Variants in TNFSF13 observed in about 807,000 individuals in gnomAD.
TNFSF13 encodes the protein TNF superfamily member 13.
In TNFSF13, 18 loss-of-function variants were observed where a neutral mutation model predicts 30.7. The observed-to-expected ratio is 0.59, with a 90% CI of 0.41 to 0.87. The LOEUF (loss-of-function observed/expected upper bound fraction) is 0.87. Ranked by LOEUF, TNFSF13 falls within the 40% of genes least tolerant of loss-of-function variation. The pLI is 0.00. For missense variants in TNFSF13, 286 were observed against 308.8 expected (o/e 0.93, Z 0.55); for synonymous variants, 116 against 123.2 (o/e 0.94, Z 0.39).
In TNFSF13 at chr17:7,560,716, TTTCTC is replaced by T; in HGVS notation, c.644-7_644-3del. Reference sequence around the variant, plus strand: ...TTCACTGCGAATCTACTTTCTCTCTTTTCTCAGGTGTCTTCCATTTACACCAAGGG... The same window carrying T: ...TTCACTGCGAATCTACTTTCTCTCTTAGGTGTCTTCCATTTACACCAAGGG... On this transcript the variant is annotated splice_region_variant and splice_polypyrimidine_tract_variant and intron_variant, in intron 5 of 5. Coordinates refer to ENST00000338784, the MANE Select transcript of TNFSF13 (RefSeq NM_003808.4). 1 of 1,614,170 alleles carries T rather than the reference TTTCTC, an allele frequency of 6.2e-7. No homozygotes were observed. Among genetic ancestry groups the T allele is most frequent in the Non-Finnish European group, 8.5e-7 (1 of 1,180,020 alleles).
intron 5 of TNFSF13, 86 bp from the exon 6 acceptor site, chr17:7,560,638 G>A: frequency 6.2e-6 from 10 of 1,612,110 alleles, no homozygotes; most frequent in Non-Finnish European, 6.8e-6. Context: ...GGAGGCAGAG[G>A]AACGGTGGAG....
Position 7,560,708 on chromosome 17 carries a change from TTC to T in TNFSF13, c.644-10_644-9del, listed in dbSNP as rs778939371. 8 of 1,614,116 alleles carry T rather than the reference TTC, an allele frequency of 5.0e-6. No individual in the cohort carries two copies. In the East Asian group the frequency reaches 1.1e-4, roughly 22 times the overall value. On this transcript the variant is annotated splice_polypyrimidine_tract_variant and intron_variant, in intron 5 of 5. Transcript: ENST00000338784. The stretch of plus-strand genomic sequence containing the variant: ...GGCTGTGCTTCACTGCGAATCTACT[TTC>T]TCTCTTTTCTCAGGTGTCTTCCATT...
Position 7,559,050 on chromosome 17 carries a change from C to T in TNFSF13, c.11C>T (p.Ser4Leu), listed in dbSNP as rs1334403568. The T allele has an allele frequency of 6.5e-6, 10 of 1,543,664 alleles. No individual in the cohort carries two copies. Among genetic ancestry groups the T allele is most frequent in the Non-Finnish European group, 8.8e-6 (10 of 1,141,382 alleles). Residue 4 changes from serine to leucine, a missense_variant, in exon 1 of 6, where the codon TCA becomes TTA. Coordinates refer to ENST00000338784, the MANE Select transcript of TNFSF13 (RefSeq NM_003808.4). This position sits in a 1 kb window ranked among gnomAD's most constrained non-coding sequence, Gnocchi z 5.4. MPA[S>L]SPFLLAPKGP... is the part of the protein sequence containing the mutation. The stretch of plus-strand genomic sequence containing the variant: ...CAGGGTCCCCAGCTCATGCCAGCCT[C>T]ATCTCCTTTCTTGCTAGCCCCCAAA...
Position 7,558,874 on chromosome 17 carries a change from T to C in TNFSF13, c.-166T>C, listed in dbSNP as rs915182823. The C allele has an allele frequency of 1.4e-5, 12 of 835,306 alleles. No homozygotes were observed. In the East Asian group the frequency reaches 2.9e-4, roughly 20 times the overall value. The allele number at this position is 835,306 out of a possible 1,614,324, so 51.7% of individuals were successfully genotyped here. ...AGTGCCAGGAGCACTAACAGTACCC[T>C]TAGCTTGCTTTCCTCCTCCCTCCTT... On this transcript the variant is annotated 5_prime_UTR_variant, in exon 1 of 6. Transcript: ENST00000338784. The surrounding 1 kb of genome is among the most constrained non-coding windows in gnomAD (Gnocchi z 4.3).
chr17:7,559,097 G>T lies in TNFSF13; in HGVS notation c.58G>T (p.Gly20Cys), dbSNP rs2071122227. ...APKGPPGNMG[G>C]PVREPALSVA... ...CAAAGGGCCTCCAGGCAACATGGGG[G>T]GCCCAGTCAGAGAGCCGGCACTCTC... Residue 20 changes from glycine (G) to cysteine (C), a missense_variant, in exon 1 of 6, where the codon GGC (glycine) becomes TGC (cysteine). Transcript: ENST00000338784. The surrounding 1 kb of genome is among the most constrained non-coding windows in gnomAD (Gnocchi z 5.4). 6.3e-7 allele frequency: 1 copy of T among 1,599,178 alleles called. No individual in the cohort carries two copies. The highest frequency in any genetic ancestry group is 1.3e-5 in the African/African-American group (1 of 74,610).
chr17:7,560,893 G>C lies in TNFSF13; in HGVS notation c.*60G>C, dbSNP rs1435518702. The C allele has an allele frequency of 3.7e-6, 6 of 1,614,190 alleles. No individual in the cohort carries two copies. Among genetic ancestry groups the C allele is most frequent in the Non-Finnish European group, 5.1e-6 (6 of 1,180,014 alleles). ...CCAGGGTGGGTACATACTGGAGACA[G>C]CCAAGAGCTGAGTATATAAAGGAGA... On this transcript the variant is annotated 3_prime_UTR_variant, in exon 6 of 6. Transcript: ENST00000338784.
At position 7,559,764 on chromosome 17, in the gene TNFSF13, C is replaced by T. The variant is rs540054367; in HGVS notation, c.337+62C>T. 8.7e-6 allele frequency: 14 copies of T among 1,613,730 alleles called. No individual in the cohort carries two copies. In the African/African-American group the frequency reaches 1.6e-4, roughly 18 times the overall value. On this transcript the variant is annotated intron_variant, in intron 2 of 5. Transcript: ENST00000338784. The surrounding 1 kb of genome is among the most constrained non-coding windows in gnomAD (Gnocchi z 5.4). ...TCAAGCAGCGTGGGGATTGTAAGCC[C>T]GAGTCAGGGTGAGGGTGGAGGCTGC...
At position 7,561,140 on chromosome 17, in the gene TNFSF13, C is replaced by A; in HGVS notation, c.*307C>A. 7.1e-7 allele frequency: 1 copy of A among 1,411,738 alleles called. No individual in the cohort carries two copies. Among genetic ancestry groups the A allele is most frequent in the Non-Finnish European group, 9.7e-7 (1 of 1,026,684 alleles). 87.5% of individuals were successfully genotyped at this position (1,411,738 alleles called of 1,614,324 possible). On this transcript the variant is annotated 3_prime_UTR_variant, in exon 6 of 6. Transcript: ENST00000338784. This position sits in a 1 kb window ranked among gnomAD's most constrained non-coding sequence, Gnocchi z 4.4. ...ACTGGAAGCATCCAGAACAGCACCA[C>A]CATCTAGCGGCCGCTCGAGGGAAGC...
In TNFSF13 at chr17:7,561,466, G is replaced by A. The variant is rs561066458; in HGVS notation, c.*633G>A. ...GCCCCGGCGTGGCAGGCCATTCCAAGCCCTTCCGGGCTGGAACTGGTGTCG... is the reference window on the plus strand; with the variant it reads ...GCCCCGGCGTGGCAGGCCATTCCAAACCCTTCCGGGCTGGAACTGGTGTCG... On this transcript the variant is annotated 3_prime_UTR_variant, in exon 6 of 6. Coordinates refer to ENST00000338784, the MANE Select transcript of TNFSF13 (RefSeq NM_003808.4). The surrounding 1 kb of genome is among the most constrained non-coding windows in gnomAD (Gnocchi z 4.4). 23 of 215,632 alleles carry A rather than the reference G, an allele frequency of 1.1e-4. No homozygotes were observed. The highest frequency in any genetic ancestry group is 2.1e-4 in the Non-Finnish European group (22 of 104,822). The allele number at this position is 215,632 out of a possible 1,614,324, so 13.4% of individuals were successfully genotyped here. A position where few individuals can be genotyped will look rare whatever the true frequency, so the allele number is the denominator to read the frequency against.
upstream of TNFSF13, chr17:7,558,362 G>C (rs552824529): frequency 6.6e-6 from 1 of 152,400 alleles, no homozygotes; most frequent in African/African-American, 2.4e-5. This position sits in a 1 kb window ranked among gnomAD's most constrained non-coding sequence, Gnocchi z 4.3. Flanking sequence ...TTGTCTCTTC[G>C]TCCAGAGCCT....
rs1239247432 is a variant in TNFSF13 at position 7,561,479 on chromosome 17, G to A, written c.*646G>A. ...AGGCCATTCCAAGCCCTTCCGGGCT[G>A]GAACTGGTGTCGGAGGAGCCTCGGG... On this transcript the variant is annotated 3_prime_UTR_variant, in exon 6 of 6. Transcript: ENST00000338784. The surrounding 1 kb of genome is among the most constrained non-coding windows in gnomAD (Gnocchi z 4.4). The A allele has an allele frequency of 2.9e-5, 6 of 206,818 alleles. No individual in the cohort carries two copies. The highest frequency in any genetic ancestry group is 6.5e-5 in the South Asian group (1 of 15,498). The allele number at this position is 206,818 out of a possible 1,614,324, so 12.8% of individuals were successfully genotyped here.
chr17:7,560,578 T>C, intron 5 of TNFSF13, 90 bp downstream of exon 5: 6 of 1,610,696 alleles, frequency 3.7e-6, no homozygotes, highest in Non-Finnish European at 5.1e-6. Context: ...GTTGGAAACC[T>C]AAACAGAGGC....
At position 7,559,846 on chromosome 17, in the gene TNFSF13, A is replaced by G. The variant is rs1228984437; in HGVS notation, c.338A>G (p.Lys113Arg). ...TGAGATTCCCTCCTTCTCTCCTCAG[A>G]GCAGCACTCTGTCCTGCACCTGGTT... ...RRAVLTQKQK[K>R]QHSVLHLVPI... The change falls in exon 3 of 6, where the codon AAG (lysine) becomes AGG (arginine). Residue 113 changes from lysine to arginine, a missense_variant and splice_region_variant. Transcript: ENST00000338784. This position sits in a 1 kb window ranked among gnomAD's most constrained non-coding sequence, Gnocchi z 5.4. The G allele has an allele frequency of 6.2e-7, 1 of 1,613,938 alleles. No homozygotes were observed. Among genetic ancestry groups the G allele is most frequent in the Non-Finnish European group, 8.5e-7 (1 of 1,180,020 alleles).
In TNFSF13 at chr17:7,559,507, G is replaced by A. The variant is rs574870570; in HGVS notation, c.259-117G>A. On this transcript the variant is annotated intron_variant, in intron 1 of 5. Coordinates refer to ENST00000338784, the MANE Select transcript of TNFSF13 (RefSeq NM_003808.4). This position sits in a 1 kb window ranked among gnomAD's most constrained non-coding sequence, Gnocchi z 5.4. The stretch of plus-strand genomic sequence containing the variant: ...GGCAGCCAGCACCAACACTCAGGGT[G>A]CTGGGAAAAGGTGCGTGAGAGATCT... 10 of 1,434,290 alleles carry A rather than the reference G, an allele frequency of 7.0e-6. No homozygotes were observed. In the East Asian group the frequency reaches 2.2e-4, roughly 31 times the overall value. The allele number at this position is 1,434,290 out of a possible 1,614,324, so 88.8% of individuals were successfully genotyped here. A position where few individuals can be genotyped will look rare whatever the true frequency, so the allele number is the denominator to read the frequency against.
chr17:7,560,969 C>G lies in TNFSF13; in HGVS notation c.*136C>G. 6.2e-7 allele frequency: 1 copy of G among 1,614,214 alleles called. No individual in the cohort carries two copies. The highest frequency in any genetic ancestry group is 8.5e-7 in the Non-Finnish European group (1 of 1,180,032). ...TTCCTGGGTTTGGCTCCCCGTTCCT[C>G]ACTTTTCCCTTTTCATTCCCACCCC... On this transcript the variant is annotated 3_prime_UTR_variant, in exon 6 of 6. Coordinates refer to ENST00000338784, the MANE Select transcript of TNFSF13 (RefSeq NM_003808.4).
chr17:7,558,947 C>T lies in TNFSF13; in HGVS notation c.-93C>T, dbSNP rs1446127952. 1 of 1,323,834 alleles carries T rather than the reference C, an allele frequency of 7.6e-7. No individual in the cohort carries two copies. Among genetic ancestry groups the T allele is most frequent in the Admixed American group, 2.6e-5 (1 of 37,930 alleles). 82.0% of individuals were successfully genotyped at this position (1,323,834 alleles called of 1,614,324 possible). A position where few individuals can be genotyped will look rare whatever the true frequency, so the allele number is the denominator to read the frequency against. On this transcript the variant is annotated 5_prime_UTR_variant, in exon 1 of 6. Transcript: ENST00000338784. This position sits in a 1 kb window ranked among gnomAD's most constrained non-coding sequence, Gnocchi z 4.3. The stretch of plus-strand genomic sequence containing the variant: ...TTTCTCCTTGCGTAACAACCTTCTT[C>T]CCTTCTGCACCACTGCCCGTACCCT...
At position 7,560,404 on chromosome 17, in the gene TNFSF13, C is replaced by A. The variant is rs772551289; in HGVS notation, c.559C>A (p.Gln187Lys). The A allele has an allele frequency of 1.2e-5, 20 of 1,614,212 alleles. No individual in the cohort carries two copies. The Admixed American group carries it at 3.2e-4, about 26-fold the overall frequency. The stretch of plus-strand genomic sequence containing the variant: ...GGGTCAGGTGGTGTCTCGAGAAGGC[C>A]AAGGAAGGCAGGAGACTCTATTCCG... ...TMGQVVSREG[Q>K]GRQETLFRCI... Residue 187 changes from glutamine to lysine, a missense_variant, in exon 5 of 6, where the codon CAA becomes AAA. Physicochemically the swap from Gln to Lys is moderately conservative, Grantham distance 53. Transcript: ENST00000338784.
In TNFSF13 at chr17:7,559,307, G is replaced by T; in HGVS notation, c.258+10G>T. ...GAGTCTCCCGGAGCAGGTGAGTGAG[G>T]GGAGGAGGGTGTCTGGGAGAGGATG... On this transcript the variant is annotated intron_variant, in intron 1 of 5. Transcript: ENST00000338784. This position sits in a 1 kb window ranked among gnomAD's most constrained non-coding sequence, Gnocchi z 5.4. 2 of 1,589,620 alleles carry T rather than the reference G, an allele frequency of 1.3e-6. No homozygotes were observed. The highest frequency in any genetic ancestry group is 2.3e-5 in the East Asian group (1 of 44,364).
chr17:7,560,492 A>C lies in TNFSF13; in HGVS notation c.643+4A>C, dbSNP rs2071174138. On this transcript the variant is annotated splice_donor_region_variant and intron_variant, in intron 5 of 5. Coordinates refer to ENST00000338784, the MANE Select transcript of TNFSF13 (RefSeq NM_003808.4). ...TACAACAGCTGCTATAGCGCAGGTG[A>C]GAGCCGTGTGGGCAGCCGAAAGCAG... 1.2e-6 allele frequency: 2 copies of C among 1,614,128 alleles called. No homozygotes were observed. The highest frequency in any genetic ancestry group is 1.1e-5 in the South Asian group (1 of 91,086).
Sources: allele counts gnomAD v4.1 joint callset, GRCh38; gene constraint gnomAD v4.1.1; non-coding constraint Gnocchi (gnomAD v3.1); transcripts MANE v1.5; gene names NCBI Gene and HGNC (gene_info 2026-07-23, HGNC 2026-07-21).